NAV3: variants seen among roughly 807,000 people sequenced by gnomAD.
NAV3 encodes neuron navigator 3.
Under a neutral mutation model 244.7 loss-of-function variants are expected in NAV3, and 87 were observed. That is an observed-to-expected ratio of 0.36 (90% CI 0.30 to 0.42). The LOEUF (loss-of-function observed/expected upper bound fraction) is 0.42, where lower values mean the gene tolerates loss of function less well. Among genes scored for constraint, NAV3 ranks in the 20% least tolerant of loss-of-function variants. The pLI is 1.00. For missense variants in NAV3, 2,663 were observed against 2,893.3 expected (o/e 0.92, Z 1.83); for synonymous variants, 1,126 against 1,042.2 (o/e 1.08, Z -1.55).
chr12:78,203,086 G>A (rs1959900551), intron 38 of NAV3, among the ~76,000 whole-genome samples: 1 of 152,010 alleles, frequency 6.6e-6, no homozygotes, highest in Non-Finnish European at 1.5e-5. Context: ...AATGGATTTT[G>A]ATTTTTTTCT....
rs947419103 is a variant in NAV3 at position 78,118,080 on chromosome 12, T to C, written c.2823T>C (p.Pro941=). Residue 941 remains proline, a synonymous_variant, in exon 14 of 40, where the codon CCT becomes CCC. Transcript: ENST00000397909. ...CCACAGACGAGACCTGGGATAGTCC[T>C]GAGGAACTGAAAAAACCAGAAGAAG... ...RSTTDETWDS[P]EELKKPEEDF... is the part of the protein sequence containing the mutation. The C allele has an allele frequency of 6.2e-7, 1 of 1,613,898 alleles. No individual in the cohort carries two copies. The highest frequency in any genetic ancestry group is 8.5e-7 in the Non-Finnish European group (1 of 1,179,986).
upstream of NAV3, among the ~76,000 whole-genome samples, chr12:77,830,300 A>C: frequency 6.6e-6 from 1 of 152,224 alleles, no homozygotes; most frequent in East Asian, 1.9e-4. Context: ...ACAGGTTTAC[A>C]AACTAAAATC....
At chr12:77,940,964 T>TA in intron 2 of NAV3, 117 bp from the exon 3 acceptor site, 1 of 676,064 alleles carries the variant, frequency 1.5e-6, no homozygotes, top group Non-Finnish European at 2.6e-6. Flanking sequence ...AGAATATATG[T>TA]AGCAGGAGCA....
chr12:77,899,680 C>T (rs12825943), intron 1 of NAV3, among the ~76,000 whole-genome samples: 11,631 of 152,136 alleles, frequency 0.076, 569 homozygotes, highest in Non-Finnish European at 0.11. Flanking sequence ...TGGAATGGAA[C>T]GTGCAATATC....
At chr12:77,698,107 G>A (rs915865270) in intron 2 of NAV3, among the ~76,000 whole-genome samples, 5 of 152,044 alleles carry the variant, frequency 3.3e-5, no homozygotes, top group Non-Finnish European at 5.9e-5. Context: ...ATCTAAAGGC[G>A]ATAGAGAAGT....
At chr12:77,590,361 A>G (rs1869850536) in intron 2 of NAV3, among the ~76,000 whole-genome samples, 1 of 152,208 alleles carries the variant, frequency 6.6e-6, no homozygotes, top group African/African-American at 2.4e-5. Context: ...AATGAAGTTA[A>G]GATCCCCACA....
chr12:77,829,384 A>C (rs1873356111), upstream of NAV3, among the ~76,000 whole-genome samples: 1 of 152,110 alleles, frequency 6.6e-6, no homozygotes, highest in African/African-American at 2.4e-5. Context: ...TATACTCCCA[A>C]AGTTGCATAT....
chr12:78,050,179 G>C (rs1882525046), intron 10 of NAV3, 78 bp downstream of exon 10: 4 of 966,078 alleles, frequency 4.1e-6, no homozygotes, highest in Non-Finnish European at 6.3e-6. Flanking sequence ...TTCTTATAAT[G>C]ACAGAGATGG....
At chr12:77,884,444 T>C (rs1871327) in intron 1 of NAV3, among the ~76,000 whole-genome samples, 20,653 of 152,018 alleles carry the variant, frequency 0.14, 1,509 homozygotes, top group East Asian at 0.22. Flanking sequence ...CCAGGGAAGC[T>C]GATGGTGTAG....
At chr12:77,843,958 C>T (rs936863101) in intron 1 of NAV3, among the ~76,000 whole-genome samples, 4 of 152,100 alleles carry the variant, frequency 2.6e-5, no homozygotes, top group African/African-American at 9.7e-5. Flanking sequence ...AGAGGAAAGG[C>T]CGATACATAA....
chr12:78,118,401 T>G (rs1451213308), intron 14 of NAV3, 104 bp downstream of exon 14: 2 of 1,402,110 alleles, frequency 1.4e-6, no homozygotes, highest in Non-Finnish European at 1.9e-6. Context: ...TACCAAATTC[T>G]TATCCATATT....
chr12:77,788,531 C>A (rs775784040), intron 2 of NAV3, among the ~76,000 whole-genome samples: 13 of 151,788 alleles, frequency 8.6e-5, no homozygotes, highest in Non-Finnish European at 1.2e-4. Context: ...TCTTTCAGCT[C>A]TGAAAGTCTG....
chr12:77,786,336 C>A (rs1471455989), intron 2 of NAV3, among the ~76,000 whole-genome samples: 1 of 151,968 alleles, frequency 6.6e-6, no homozygotes, highest in East Asian at 1.9e-4. Flanking sequence ...ATCATACACC[C>A]CTTTGCTTGC....
chr12:78,118,570 G>T (rs1485193783), intron 14 of NAV3, among the ~76,000 whole-genome samples: 1 of 152,198 alleles, frequency 6.6e-6, no homozygotes, highest in Non-Finnish European at 1.5e-5. Flanking sequence ...TCAGGTAATG[G>T]GGAAATAAGA....
At chr12:77,852,538 C>CATAAATAAATAA (rs754155678) in intron 1 of NAV3, among the ~76,000 whole-genome samples, 19 of 151,218 alleles carry the variant, frequency 1.3e-4, no homozygotes, top group African/African-American at 3.9e-4. Flanking sequence ...GACTCCCTCT[C>CATAAATAAATAA]ATAAATAAAT....
chr12:78,062,270 A>G (rs958275836), intron 12 of NAV3, among the ~76,000 whole-genome samples: 16 of 152,176 alleles, frequency 1.1e-4, no homozygotes, highest in African/African-American at 3.9e-4. Context: ...TATAACATAT[A>G]GAAATGTGAG....
chr12:78,031,207 G>T (rs1191395609), intron 9 of NAV3, among the ~76,000 whole-genome samples: 2 of 152,220 alleles, frequency 1.3e-5, no homozygotes, highest in African/African-American at 4.8e-5. Flanking sequence ...GTCTAGAAAG[G>T]GGTTTAGGTG....
At chr12:77,904,576 T>C (rs549709372) in intron 1 of NAV3, among the ~76,000 whole-genome samples, 1 of 152,260 alleles carries the variant, frequency 6.6e-6, no homozygotes, top group Admixed American at 6.5e-5. Context: ...CACACCAACA[T>C]GGCACATGTA....
chr12:77,670,584 C>T (rs1054495765), intron 2 of NAV3, among the ~76,000 whole-genome samples: 5 of 152,064 alleles, frequency 3.3e-5, no homozygotes, highest in African/African-American at 1.2e-4. Flanking sequence ...AAAGGATAAT[C>T]CACCATGATC....
Sources: gnomAD v4.1 joint callset for allele counts (sites outside exome capture counted in the v4.1 genomes callset) on GRCh38, gnomAD v4.1.1 for gene constraint, MANE v1.5 for transcripts, NCBI Gene and HGNC (gene_info 2026-07-23, HGNC 2026-07-21) for gene names.